ING5: variants seen among roughly 807,000 people sequenced by gnomAD.
ING5 encodes inhibitor of growth family member 5, also known as inhibitor of growth protein 5.
In ING5, 17 loss-of-function variants were observed where a neutral mutation model predicts 37.4. The observed-to-expected ratio is 0.45, with a 90% CI of 0.31 to 0.68. The LOEUF (loss-of-function observed/expected upper bound fraction) is 0.68, where lower values mean the gene tolerates loss of function less well. Among genes scored for constraint, ING5 ranks in the 30% least tolerant of loss-of-function variants. The probability of loss-of-function intolerance (pLI) is 0.05; values close to 1 mark genes in which losing one functional copy is unlikely to be tolerated. For synonymous variants in ING5, 123 were observed against 116.6 expected, an observed-to-expected ratio of 1.06 and a Z score of -0.36; for missense variants, 233 against 311.9, an observed-to-expected ratio of 0.75 and a Z score of 1.91.
rs1289313337 is a variant in ING5, at chr2:241,722,957, C to T, written c.501C>T (p.Thr167=). 1 of 1,614,064 alleles carries T rather than the reference C, an allele frequency of 6.2e-7. No homozygotes were observed. Among genetic ancestry groups the T allele is most frequent in the Middle Eastern group, 1.6e-4 (1 of 6,062 alleles). ...KHKGGSEFTD[T]ILSVHPSDVL... ...CCTGCAGGTCTGAGTTCACTGACAC[C>T]ATCCTGTCCGTGCACCCCTCTGATG... Residue 167 remains threonine, a synonymous_variant, in exon 6 of 8, where the codon ACC becomes ACT. Coordinates refer to ENST00000313552, the MANE Select transcript of ING5 (RefSeq NM_032329.6).
In ING5 at chr2:241,725,383, C is replaced by T. The variant is rs559198598; in HGVS notation, c.*352C>T. 6.8e-6 allele frequency: 2 copies of T among 292,406 alleles called. No homozygotes were observed. The highest frequency in any genetic ancestry group is 3.4e-5 in the South Asian group (1 of 29,486). The allele number at this position is 292,406 out of a possible 1,614,324, so 18.1% of individuals were successfully genotyped here. A position where few individuals can be genotyped will look rare whatever the true frequency, so the allele number is the denominator to read the frequency against. ...CCACGGAGGGCGGCCGCCACCCTCG[C>T]GTAGCTTTCCTGTGGTTTTCCAGGA... On this transcript the variant is annotated 3_prime_UTR_variant, in exon 8 of 8. Coordinates refer to ENST00000313552, the MANE Select transcript of ING5 (RefSeq NM_032329.6).
chr2:241,709,581 C>G (rs1243555659), intron 3 of ING5, among the ~76,000 whole-genome samples, 199 bp downstream of exon 3: 1 of 146,306 alleles, frequency 6.8e-6, no homozygotes, highest in Non-Finnish European at 1.5e-5. Context: ...TTTCTGGGCC[C>G]TTTTTGTTTG....
chr2:241,720,926 GCTT>G (rs919016818), intron 5 of ING5: 2 of 985,526 alleles, frequency 2.0e-6, no homozygotes, highest in African/African-American at 3.5e-5. Flanking sequence ...GGTGGCCTCA[GCTT>G]CTGGGGTGCC....
At chr2:241,714,258 C>T (rs1453055562) in intron 5 of ING5, among the ~76,000 whole-genome samples, 1 of 152,152 alleles carries the variant, frequency 6.6e-6, no homozygotes, top group Non-Finnish European at 1.5e-5. Flanking sequence ...TTCCTAGACA[C>T]TATACATTAT....
intron 2 of ING5, chr2:241,694,143 C>T (rs1370392342): frequency 6.6e-6 from 1 of 150,826 alleles, no homozygotes; most frequent in Non-Finnish European, 1.5e-5. Flanking sequence ...AGTTTCTACA[C>T]AGAGAATCAC....
At chr2:241,687,580 T>C in exon 1 of ING5, 1 of 366,380 alleles carries the variant, frequency 2.7e-6, no homozygotes. Context: ...CAGGCTGGAG[T>C]GCGGTGGCGC....
chr2:241,723,894 C>T, intron 7 of ING5: 2 of 1,400,170 alleles, frequency 1.4e-6, no homozygotes, highest in Non-Finnish European at 2.0e-6. Flanking sequence ...CCTGTGGTCC[C>T]AACTACCTGG....
intron 2 of ING5, among the ~76,000 whole-genome samples, chr2:241,707,051 C>T (rs34744507): frequency 0.33 from 49,381 of 150,256 alleles, 9,143 homozygotes; most frequent in Middle Eastern, 0.42. Flanking sequence ...CCTCTGCCTC[C>T]CAGGTTCAAG....
At chr2:241,713,109 T>G (rs1033708839) in intron 5 of ING5, among the ~76,000 whole-genome samples, 2 of 149,166 alleles carry the variant, frequency 1.3e-5, no homozygotes, top group East Asian at 3.9e-4. Flanking sequence ...CAAGCTGGAG[T>G]GCAATGGCGC....
chr2:241,718,367 CCCTT>C (rs1559311080), intron 5 of ING5, among the ~76,000 whole-genome samples: 7 of 137,574 alleles, frequency 5.1e-5, no homozygotes, highest in African/African-American at 1.9e-4. Context: ...CTCCCTCCCT[CCCTT>C]CCTCCCTCCC....
chr2:241,691,739 C>T (rs1238070698), intron 2 of ING5, among the ~76,000 whole-genome samples: 1 of 152,086 alleles, frequency 6.6e-6, no homozygotes, highest in African/African-American at 2.4e-5. Context: ...GGTACCAGCC[C>T]TATCGGATTA....
At position 241,726,333 on chromosome 2, in the gene ING5, A is replaced by T. The variant is rs1399184759; in HGVS notation, c.*1302A>T. 1 of 152,200 alleles carries T rather than the reference A, an allele frequency of 6.6e-6. No individual in the cohort carries two copies. Among genetic ancestry groups the T allele is most frequent in the East Asian group, 1.9e-4 (1 of 5,192 alleles). 9.4% of individuals were successfully genotyped at this position (152,200 alleles called of 1,614,324 possible). A position where few individuals can be genotyped will look rare whatever the true frequency, so the allele number is the denominator to read the frequency against. On this transcript the variant is annotated 3_prime_UTR_variant, in exon 8 of 8. Transcript: ENST00000313552. ...GGAATGACAGCCTCACTTCCTTCTG[A>T]TGGCTACATCTGTATCTTTTCCTCC...
intron 2 of ING5, among the ~76,000 whole-genome samples, chr2:241,706,166 C>T (rs1575124208): frequency 1.3e-5 from 2 of 152,124 alleles, no homozygotes; most frequent in Non-Finnish European, 2.9e-5. Flanking sequence ...TGATTGTTTC[C>T]ATGCCAACTG....
chr2:241,700,081 C>G (rs1236874360), upstream of ING5, among the ~76,000 whole-genome samples: 1 of 151,198 alleles, frequency 6.6e-6, no homozygotes, highest in Non-Finnish European at 1.5e-5. Flanking sequence ...GTACCAGGTT[C>G]AAGTGATTCT....
chr2:241,705,394 CTTTTTTTTTTTT>C (rs774566608), intron 2 of ING5, among the ~76,000 whole-genome samples: 1 of 117,272 alleles, frequency 8.5e-6, no homozygotes, highest in Non-Finnish European at 1.7e-5. Flanking sequence ...CTGTTTTTTT[CTTTTTTTTTTTT>C]TTTTTTTTTG....
exon 1 of ING5, chr2:241,687,358 C>T (rs1206508906): frequency 5.0e-6 from 2 of 398,850 alleles, no homozygotes; most frequent in Non-Finnish European, 4.4e-6. Context: ...ACCTGGAGCC[C>T]AGCACGACTG....
At chr2:241,693,481 C>T (rs1458368351) in intron 2 of ING5, among the ~76,000 whole-genome samples, 1 of 151,654 alleles carries the variant, frequency 6.6e-6, no homozygotes, top group East Asian at 1.9e-4. Flanking sequence ...CTTGCATCCC[C>T]TACGCTCTCC....
At chr2:241,713,051 C>T (rs1166086924) in intron 5 of ING5, among the ~76,000 whole-genome samples, 2 of 147,884 alleles carry the variant, frequency 1.4e-5, no homozygotes, top group Admixed American at 1.3e-4. Context: ...AAAAAAGGGA[C>T]AATTTTCTTT....
chr2:241,723,708 G>C (rs1257772109), intron 7 of ING5: 3 of 1,556,086 alleles, frequency 1.9e-6, no homozygotes, highest in Non-Finnish European at 2.6e-6. Flanking sequence ...CCCTGGCTCT[G>C]TCTAGTGGAG....
Sources: allele counts gnomAD v4.1 joint callset (sites outside exome capture counted in the v4.1 genomes callset), GRCh38; gene constraint gnomAD v4.1.1; transcripts MANE v1.5; gene names NCBI Gene and HGNC (gene_info 2026-07-23, HGNC 2026-07-21).